KAZN: variants seen among roughly 807,000 people sequenced by gnomAD.
KAZN encodes the protein kazrin.
KAZN carries 40 observed loss-of-function variants against 87.4 expected under a neutral mutation model. The ratio of observed to expected loss-of-function variants is 0.46; its 90% confidence interval spans 0.36 to 0.60. The LOEUF is 0.60. KAZN is among the 20% of genes least tolerant of loss of function. The pLI is 0.00. For missense variants in KAZN, 898 were observed against 1,073.9 expected (o/e 0.84, Z 2.29); for synonymous variants, 466 against 458.3 (o/e 1.02, Z -0.22).
chr1:14,689,828 G>T (rs564621283), intron 1 of KAZN, among the ~76,000 whole-genome samples: 48 of 152,316 alleles, frequency 3.2e-4, no homozygotes, highest in Non-Finnish European at 4.9e-4. Flanking sequence ...GATGGCAGGA[G>T]ACCCGTGGAG....
intron 2 of KAZN, among the ~76,000 whole-genome samples, chr1:14,557,657 TGTGTGTGTG>T (rs1407922065): frequency 2.9e-4 from 42 of 144,802 alleles, no homozygotes; most frequent in Admixed American, 6.4e-4. Flanking sequence ...TGTGTGTGTG[TGTGTGTGTG>T]GTGTGTGAGA....
At chr1:14,202,981 C>T (rs1452272887) in intron 2 of KAZN, among the ~76,000 whole-genome samples, 2 of 152,130 alleles carry the variant, frequency 1.3e-5, no homozygotes, top group Non-Finnish European at 2.9e-5. Flanking sequence ...CGCACCACTG[C>T]ACTCCAGCCT....
intron 2 of KAZN, among the ~76,000 whole-genome samples, chr1:14,354,055 T>C (rs188941820): frequency 4.6e-5 from 7 of 152,324 alleles, no homozygotes; most frequent in South Asian, 4.1e-4. Context: ...CAGTGTGGCA[T>C]TGTAGAAAGA....
At chr1:14,676,599 C>A (rs1039467413) in intron 1 of KAZN, among the ~76,000 whole-genome samples, 3 of 152,132 alleles carry the variant, frequency 2.0e-5, no homozygotes, top group Admixed American at 2.0e-4. Context: ...ATCCATACAA[C>A]GGAGTATTAT....
intron 2 of KAZN, among the ~76,000 whole-genome samples, chr1:14,261,558 C>G (rs1227041142): frequency 6.6e-6 from 1 of 151,830 alleles, no homozygotes; most frequent in Non-Finnish European, 1.5e-5. Flanking sequence ...TGTGCTCATT[C>G]TCCACCGACG....
Position 14,949,513 on chromosome 1 carries a change from G to A in KAZN, c.227-11171G>A, listed in dbSNP as rs1283922190. Among the ~76,000 whole-genome samples the A allele has an allele frequency of 6.6e-6, 1 of 152,184 alleles. No individual in the cohort carries two copies. The highest frequency in any genetic ancestry group is 2.4e-5 in the African/African-American group (1 of 41,434). On this transcript the variant is annotated intron_variant, in intron 1 of 14. Transcript: ENST00000376030. The surrounding 1 kb of genome is among the most constrained non-coding windows in gnomAD (Gnocchi z 4.3). ...GGGAACCCAGCCACTCTGGTGGCAG[G>A]CAGGTGCCTGCCTCTCCCACCCCCA...
At chr1:14,310,044 A>AT (rs751602896) in intron 2 of KAZN, among the ~76,000 whole-genome samples, 2 of 152,150 alleles carry the variant, frequency 1.3e-5, no homozygotes, top group Non-Finnish European at 2.9e-5. Context: ...GGACTTGCCA[A>AT]TGGCATTGGA....
At chr1:14,899,228 G>A (rs1461890552) in intron 1 of KAZN, among the ~76,000 whole-genome samples, 1 of 152,210 alleles carries the variant, frequency 6.6e-6, no homozygotes, top group Middle Eastern at 3.2e-3. Flanking sequence ...GACCAGAAAG[G>A]CAAGTTGCCA....
chr1:14,243,666 A>C (rs184811467), intron 2 of KAZN, among the ~76,000 whole-genome samples: 2 of 152,336 alleles, frequency 1.3e-5, no homozygotes, highest in East Asian at 3.9e-4. Flanking sequence ...AAAAACATCC[A>C]AACAAATAAA....
chr1:14,834,194 C>A (rs1168666068), intron 1 of KAZN, among the ~76,000 whole-genome samples: 1 of 151,796 alleles, frequency 6.6e-6, no homozygotes, highest in Admixed American at 6.6e-5. Flanking sequence ...TGCCACCACG[C>A]CTGGCTAATT....
At chr1:14,806,081 G>A (rs887863530) in intron 1 of KAZN, among the ~76,000 whole-genome samples, 4 of 152,216 alleles carry the variant, frequency 2.6e-5, no homozygotes, top group Non-Finnish European at 4.4e-5. Context: ...ACATAAATGT[G>A]AGGGCATGGC....
intron 2 of KAZN, among the ~76,000 whole-genome samples, chr1:14,183,669 A>G (rs12736835): frequency 0.33 from 49,609 of 151,978 alleles, 8,205 homozygotes; most frequent in East Asian, 0.47. Context: ...GGGGTTGATT[A>G]CAGCAAATTA....
intron 1 of KAZN, among the ~76,000 whole-genome samples, chr1:13,956,067 G>T (rs372591409): frequency 6.6e-6 from 1 of 152,190 alleles, no homozygotes; most frequent in African/African-American, 2.4e-5. Flanking sequence ...TGAGTGATGG[G>T]TGCATTAATT....
intron 2 of KAZN, among the ~76,000 whole-genome samples, chr1:14,587,959 G>C (rs894618490): frequency 2.0e-5 from 3 of 152,158 alleles, no homozygotes; most frequent in Non-Finnish European, 4.4e-5. Flanking sequence ...TTGCGTTTGA[G>C]TGGAAGGAGG....
At chr1:14,660,143 C>T (rs933680811) in intron 1 of KAZN, among the ~76,000 whole-genome samples, 8 of 152,098 alleles carry the variant, frequency 5.3e-5, no homozygotes, top group African/African-American at 1.7e-4. Flanking sequence ...GAAGGGAAGT[C>T]GAGATGCCCA....
chr1:14,662,797 GA>G, intron 1 of KAZN, among the ~76,000 whole-genome samples: 1 of 151,062 alleles, frequency 6.6e-6, no homozygotes, highest in East Asian at 1.9e-4. Context: ...ATTTTTCTAA[GA>G]AAGACACTAT....
chr1:13,994,910 A>G (rs1466410898), intron 1 of KAZN, among the ~76,000 whole-genome samples: 1 of 152,116 alleles, frequency 6.6e-6, no homozygotes, highest in Non-Finnish European at 1.5e-5. Context: ...CTTGAAAGTA[A>G]TTGAGGTTGG....
At chr1:14,057,648 C>A (rs907384575) in intron 1 of KAZN, among the ~76,000 whole-genome samples, 2 of 152,198 alleles carry the variant, frequency 1.3e-5, no homozygotes, top group Non-Finnish European at 2.9e-5. Context: ...TGTATCGTTT[C>A]TCCATCCAGC....
At chr1:13,939,652 A>C (rs1640860847) in intron 1 of KAZN, among the ~76,000 whole-genome samples, 1 of 152,024 alleles carries the variant, frequency 6.6e-6, no homozygotes, top group East Asian at 1.9e-4. Flanking sequence ...GCAATGCCCC[A>C]CTCCTGTTTT....
Sources: allele counts gnomAD v4.1 joint callset (sites outside exome capture counted in the v4.1 genomes callset), GRCh38; gene constraint gnomAD v4.1.1; non-coding constraint Gnocchi (gnomAD v3.1); transcripts MANE v1.5; gene names NCBI Gene and HGNC (gene_info 2026-07-23, HGNC 2026-07-21).